The following ARID1B variants were observed in gnomAD, a reference collection of about 807,000 sequenced individuals.
ARID1B encodes AT-rich interactive domain-containing protein 1B.
A neutral mutation model predicts 212.3 loss-of-function variants in ARID1B; 30 were observed. That is an observed-to-expected ratio of 0.14 (90% CI 0.11 to 0.19). The LOEUF (loss-of-function observed/expected upper bound fraction) is 0.19. Ranked by LOEUF, ARID1B falls within the 10% of genes least tolerant of loss-of-function variation. ARID1B has a pLI of 1.00. For missense variants in ARID1B, 2,891 were observed against 3,204.0 expected (o/e 0.90, Z 2.36); for synonymous variants, 1,402 against 1,301.7 (o/e 1.08, Z -1.66).
chr6:157,085,247 A>G (rs571586761), intron 5 of ARID1B, among the ~76,000 whole-genome samples: 38 of 152,340 alleles, frequency 2.5e-4, no homozygotes, highest in African/African-American at 8.7e-4. Context: ...CTAAAGTGAG[A>G]TTGTTGATGA....
intron 3 of ARID1B, among the ~76,000 whole-genome samples, chr6:156,917,746 GTTAT>G (rs1790474059): frequency 6.6e-6 from 1 of 152,044 alleles, no homozygotes; most frequent in South Asian, 2.1e-4. Context: ...ATGAAATGAG[GTTAT>G]TTATTGTTCA....
chr6:157,113,319 TGA>T (rs1485525585), intron 6 of ARID1B, among the ~76,000 whole-genome samples: 1 of 152,142 alleles, frequency 6.6e-6, no homozygotes, highest in Non-Finnish European at 1.5e-5. Context: ...TGAAAGACTG[TGA>T]GAGACATTAT....
At chr6:157,077,552 C>A (rs1386368091) in intron 4 of ARID1B, among the ~76,000 whole-genome samples, 2 of 152,182 alleles carry the variant, frequency 1.3e-5, no homozygotes, top group African/African-American at 4.8e-5. Flanking sequence ...GTCCCCTCTG[C>A]TTCCTGTCTC....
intron 6 of ARID1B, among the ~76,000 whole-genome samples, chr6:157,127,360 A>T (rs77199132): frequency 0.043 from 6,480 of 152,208 alleles, 448 homozygotes; most frequent in African/African-American, 0.15. Context: ...TGAATCTATA[A>T]TAGTGACAAG....
At chr6:157,064,419 C>A (rs1303487570) in intron 4 of ARID1B, among the ~76,000 whole-genome samples, 3 of 152,156 alleles carry the variant, frequency 2.0e-5, no homozygotes, top group Admixed American at 1.3e-4. Context: ...CACTCAGAGG[C>A]TATGCTCAGT....
Position 157,174,926 on chromosome 6 carries a change from C to G in ARID1B, c.3425C>G (p.Ser1142Cys). Reference protein sequence around the residue: ...LPVPSPMSPSSASISSFHGDE... With the variant: ...LPVPSPMSPSCASISSFHGDE... ...GTCCCTTCCCCAATGTCCCCCAGCT[C>G]TGCTAGCATCTCCTCATTTCATGGA... The change falls in exon 11 of 20, where the codon TCT (serine) becomes TGT (cysteine). Residue 1142 changes from serine to cysteine, a missense_variant. Physicochemically the swap from Ser to Cys is moderately radical, Grantham distance 112. Coordinates refer to ENST00000636930, the MANE Select transcript of ARID1B (RefSeq NM_001374828.1). 1 of 1,545,164 alleles carries G rather than the reference C, an allele frequency of 6.5e-7. No individual in the cohort carries two copies. Among genetic ancestry groups the G allele is most frequent in the Non-Finnish European group, 8.7e-7 (1 of 1,144,684 alleles).
In ARID1B at chr6:156,906,350, C is replaced by T. The variant is rs190356376; in HGVS notation, c.2136+4825C>T. Among the ~76,000 whole-genome samples the T allele has an allele frequency of 2.0e-3, 298 of 151,784 alleles. 1 individual carries two copies. The highest frequency in any genetic ancestry group is 6.3e-3 in the African/African-American group (260 of 41,380). On this transcript the variant is annotated intron_variant, in intron 3 of 19. Transcript: ENST00000636930. ...ATCACCTGAGGTCAGGAGTTCGAGA[C>T]CAGCCTGACCAACATGGAGAAACCC...
In ARID1B at chr6:157,114,972, G is replaced by A. The variant is rs960525996; in HGVS notation, c.2581+4411G>A. 9.9e-5 allele frequency among the ~76,000 whole-genome samples: 15 copies of A among 152,230 alleles called. No individual in the cohort carries two copies. In the East Asian group the frequency reaches 2.3e-3, roughly 24 times the overall value. ...CTTTTCTACTTGGTCCTGTGTTCCC[G>A]TTCAGGAAGAGCATATGTTAATAAA... is the stretch of plus-strand genomic sequence containing the variant. On this transcript the variant is annotated intron_variant, in intron 6 of 19. Coordinates refer to ENST00000636930, the MANE Select transcript of ARID1B (RefSeq NM_001374828.1).
At chr6:156,787,265 G>A (rs1779710431) in intron 1 of ARID1B, among the ~76,000 whole-genome samples, 1 of 152,078 alleles carries the variant, frequency 6.6e-6, no homozygotes, top group Admixed American at 6.5e-5. Flanking sequence ...GGATTGCTGG[G>A]GTATTTTTGG....
At chr6:156,815,770 T>A (rs989701193) in intron 1 of ARID1B, among the ~76,000 whole-genome samples, 5 of 152,218 alleles carry the variant, frequency 3.3e-5, no homozygotes, top group Admixed American at 3.3e-4. Context: ...CAGCTATATA[T>A]AAAAATCGAC....
Position 157,148,730 on chromosome 6 carries a change from G to T in ARID1B, c.2868G>T (p.Gly956=). Residue 956 remains glycine, a synonymous_variant, in exon 8 of 20, where the codon GGG becomes GGT. Coordinates refer to ENST00000636930, the MANE Select transcript of ARID1B (RefSeq NM_001374828.1). The surrounding 1 kb of genome is among the most constrained non-coding windows in gnomAD (Gnocchi z 5.6). ...ISANNQMHGQ[G]PSQPCGAVPL... is the part of the protein sequence containing the mutation. ...CCAACAACCAGATGCATGGACAAGG[G>T]CCAAGCCAGCCATGTGGTGCTGTGC... 18 of 1,613,174 alleles carry T rather than the reference G, an allele frequency of 1.1e-5. No individual in the cohort carries two copies. Among genetic ancestry groups the T allele is most frequent in the Non-Finnish European group, 1.5e-5 (18 of 1,179,974 alleles).
At chr6:156,979,138 T>C (rs543295049) in intron 4 of ARID1B, among the ~76,000 whole-genome samples, 1 of 152,370 alleles carries the variant, frequency 6.6e-6, no homozygotes, top group South Asian at 2.1e-4. Context: ...AGTTCTGTTA[T>C]TACTGTTTCT....
chr6:157,175,051 T>C, intron 11 of ARID1B, 46 bp downstream of exon 11: 1 of 1,303,826 alleles, frequency 7.7e-7, no homozygotes, highest in Non-Finnish European at 9.9e-7. Context: ...TTTTGTTTTT[T>C]TGGGGTTTTT....
rs995075933 is a variant in ARID1B at position 156,778,228 on chromosome 6, T to TCCA, written c.559_561dup (p.His187dup). On this transcript the variant is annotated inframe_insertion, in exon 1 of 20. Transcript: ENST00000636930. ...CACCACCACCACCATGCCCACCACC[T>TCCA]CCACCACCACCACGCACTACAGCAG... The TCCA allele has an allele frequency of 3.3e-6, 5 of 1,530,918 alleles. No individual in the cohort carries two copies. Among genetic ancestry groups the TCCA allele is most frequent in the African/African-American group, 2.8e-5 (2 of 71,424 alleles). The allele number at this position is 1,530,918 out of a possible 1,614,324, so 94.8% of individuals were successfully genotyped here.
rs1431737380 is a variant in ARID1B at position 156,779,334 on chromosome 6, G to A, written c.1654G>A (p.Ala552Thr). Residue 552 changes from alanine (A) to threonine (T), a missense_variant, in exon 1 of 20, where the codon GCG becomes ACG. Coordinates refer to ENST00000636930, the MANE Select transcript of ARID1B (RefSeq NM_001374828.1). ...AAGAAAGGQQ[A>T]AAGMGLGKDM... The stretch of plus-strand genomic sequence containing the variant: ...GGGGGCGGCGGCGGGCGGCCAGCAG[G>A]CGGCCGCGGGCATGGGCTTGGGCAA... 3 of 1,146,164 alleles carry A rather than the reference G, an allele frequency of 2.6e-6. No individual in the cohort carries two copies. Among genetic ancestry groups the A allele is most frequent in the Non-Finnish European group, 3.2e-6 (3 of 934,822 alleles). 71.0% of individuals were successfully genotyped at this position (1,146,164 alleles called of 1,614,324 possible). A position where few individuals can be genotyped will look rare whatever the true frequency, so the allele number is the denominator to read the frequency against.
intron 2 of ARID1B, among the ~76,000 whole-genome samples, chr6:156,897,267 A>ATTC (rs1562468586): frequency 1.4e-5 from 1 of 69,808 alleles, no homozygotes; most frequent in Non-Finnish European, 3.3e-5. Context: ...TCTTCTTCTT[A>ATTC]TTATTATTAT....
At chr6:156,948,622 C>T (rs373700861) in intron 4 of ARID1B, among the ~76,000 whole-genome samples, 30 of 152,166 alleles carry the variant, frequency 2.0e-4, no homozygotes, top group African/African-American at 6.8e-4. Flanking sequence ...AGTATCTTGT[C>T]TTTTCCACAT....
At chr6:157,100,001 AAGGATTT>A (rs1225078869) in intron 5 of ARID1B, among the ~76,000 whole-genome samples, 1 of 152,090 alleles carries the variant, frequency 6.6e-6, no homozygotes, top group Non-Finnish European at 1.5e-5. Flanking sequence ...TATTTTGGAT[AAGGATTT>A]AGGAAAGTCT....
intron 4 of ARID1B, among the ~76,000 whole-genome samples, chr6:157,022,125 C>T (rs1325188767): frequency 6.8e-6 from 1 of 147,628 alleles, no homozygotes; most frequent in Non-Finnish European, 1.5e-5. Context: ...CCCAGGCCGC[C>T]AAGAACAGGG....
Sources: gnomAD v4.1 joint callset for allele counts (sites outside exome capture counted in the v4.1 genomes callset) on GRCh38, gnomAD v4.1.1 for gene constraint, Gnocchi (gnomAD v3.1) non-coding constraint, MANE v1.5 for transcripts, NCBI Gene and HGNC (gene_info 2026-07-23, HGNC 2026-07-21) for gene names.